The following CDH12 variants were observed in gnomAD, a reference collection of about 807,000 sequenced individuals.
CDH12 encodes cadherin-12.
CDH12 carries 41 observed loss-of-function variants against 74.1 expected under a neutral mutation model. The ratio of observed to expected loss-of-function variants is 0.55; its 90% CI spans 0.43 to 0.72. The LOEUF is 0.72. Ranked by LOEUF, CDH12 falls within the 30% of genes least tolerant of loss-of-function variation. The probability of loss-of-function intolerance (pLI) is 0.00; values close to 1 mark genes in which losing one functional copy is unlikely to be tolerated. For synonymous variants in CDH12, 399 were observed against 355.0 expected (o/e 1.12, Z -1.39); for missense variants, 945 against 977.2 (o/e 0.97, Z 0.44).
intron 3 of CDH12, among the ~76,000 whole-genome samples, chr5:22,247,128 T>C (rs1489402197): frequency 2.0e-5 from 3 of 152,192 alleles, no homozygotes; most frequent in African/African-American, 7.2e-5. Context: ...TGATATCAGT[T>C]TAGAAGATGC....
At chr5:21,940,770 C>T (rs3950903) in intron 6 of CDH12, among the ~76,000 whole-genome samples, 4 of 152,062 alleles carry the variant, frequency 2.6e-5, no homozygotes, top group African/African-American at 7.2e-5. Context: ...AGATAATCCA[C>T]GTGTAATTGT....
At chr5:22,176,282 T>A (rs1391847080) in intron 4 of CDH12, among the ~76,000 whole-genome samples, 1 of 152,124 alleles carries the variant, frequency 6.6e-6, no homozygotes, top group African/African-American at 2.4e-5. Context: ...GTAAATCCCT[T>A]CATTGTTTTG....
At chr5:21,990,731 ACTATGATTACAATCCTT>A (rs1434244944) in intron 5 of CDH12, among the ~76,000 whole-genome samples, 96 of 151,644 alleles carry the variant, frequency 6.3e-4, no homozygotes, top group African/African-American at 2.0e-3. Flanking sequence ...TCAGAAAAAC[ACTATGATTACAATCCTT>A]CTATTAGCAT....
At chr5:22,021,046 T>G (rs985013652) in intron 5 of CDH12, among the ~76,000 whole-genome samples, 4 of 152,136 alleles carry the variant, frequency 2.6e-5, no homozygotes, top group African/African-American at 9.7e-5. Flanking sequence ...ACGAGAAGTG[T>G]TTTGAATTTT....
rs556821888 is a variant in CDH12 at position 21,856,879 on chromosome 5, C to T, written c.527-2089G>A. On this transcript the variant is annotated intron_variant, in intron 6 of 14. Transcript: ENST00000382254. ...ATCTATAGAATTAAAAGTAATTGTCCACTGAATTACAGTATAGGTTAATCC... is the reference window on the plus strand; with the variant it reads ...ATCTATAGAATTAAAAGTAATTGTCTACTGAATTACAGTATAGGTTAATCC... Among the ~76,000 whole-genome samples the T allele has an allele frequency of 1.6e-4, 25 of 151,864 alleles. No individual in the cohort carries two copies. The South Asian group carries it at 3.5e-3, about 21-fold the overall frequency.
At chr5:22,576,431 A>G (rs1359782768) in intron 1 of CDH12, among the ~76,000 whole-genome samples, 3 of 152,230 alleles carry the variant, frequency 2.0e-5, no homozygotes, top group African/African-American at 7.2e-5. Flanking sequence ...ACCATTTGAT[A>G]TTTTGAATAG....
intron 4 of CDH12, among the ~76,000 whole-genome samples, chr5:22,159,053 A>G (rs1748181442): frequency 6.6e-6 from 1 of 152,102 alleles, no homozygotes; most frequent in Non-Finnish European, 1.5e-5. Context: ...GTTCCTGAAA[A>G]GGTCCATAGT....
intron 5 of CDH12, among the ~76,000 whole-genome samples, chr5:22,014,291 A>G (rs2150155349): frequency 6.6e-6 from 1 of 152,302 alleles, no homozygotes; most frequent in South Asian, 2.1e-4. Flanking sequence ...ATTTGATCTT[A>G]TAATTGGTTG....
chr5:21,834,375 T>C (rs114194674), intron 8 of CDH12, among the ~76,000 whole-genome samples: 3,297 of 151,988 alleles, frequency 0.022, 65 homozygotes, highest in Middle Eastern at 0.048. Flanking sequence ...TCATGTACAG[T>C]ATCTAAATAA....
intron 4 of CDH12, among the ~76,000 whole-genome samples, chr5:22,164,793 C>G (rs1416841663): frequency 1.3e-4 from 19 of 143,168 alleles, no homozygotes; most frequent in Non-Finnish European, 7.6e-5. Context: ...TTGCAAGCCC[C>G]GTGTTTAAAG....
intron 1 of CDH12, among the ~76,000 whole-genome samples, chr5:22,721,895 C>T (rs921362759): frequency 1.3e-5 from 2 of 152,142 alleles, no homozygotes; most frequent in Non-Finnish European, 2.9e-5. Flanking sequence ...CCTTCTCCTT[C>T]TGCCATGATT....
At chr5:21,976,432 GTAAA>G (rs544527685) in intron 5 of CDH12, among the ~76,000 whole-genome samples, 284 of 151,196 alleles carry the variant, frequency 1.9e-3, no homozygotes, top group Middle Eastern at 0.014. Context: ...TAAATTACGT[GTAAA>G]TAAATAAATA....
intron 1 of CDH12, among the ~76,000 whole-genome samples, chr5:22,752,155 T>C (rs1007982671): frequency 6.6e-6 from 1 of 152,194 alleles, no homozygotes; most frequent in Non-Finnish European, 1.5e-5. Context: ...GCAGGTACAA[T>C]TAATATTGTT....
intron 3 of CDH12, among the ~76,000 whole-genome samples, chr5:22,369,771 G>T (rs1233221369): frequency 6.6e-6 from 1 of 152,044 alleles, no homozygotes; most frequent in African/African-American, 2.4e-5. Flanking sequence ...GAATAATTAG[G>T]CTGAATATTT....
intron 5 of CDH12, among the ~76,000 whole-genome samples, chr5:22,074,785 G>C (rs548674852): frequency 6.6e-6 from 1 of 152,204 alleles, no homozygotes; most frequent in African/African-American, 2.4e-5. Flanking sequence ...AGTTAGAATG[G>C]CAATCATTAA....
At chr5:21,865,644 C>G (rs1309036955) in intron 6 of CDH12, among the ~76,000 whole-genome samples, 1 of 152,120 alleles carries the variant, frequency 6.6e-6, no homozygotes, top group African/African-American at 2.4e-5. Context: ...CTTTGACCCA[C>G]CACTCAGGAA....
At chr5:22,786,583 G>A (rs1023409025) in intron 1 of CDH12, among the ~76,000 whole-genome samples, 7 of 152,136 alleles carry the variant, frequency 4.6e-5, no homozygotes, top group Non-Finnish European at 1.0e-4. Flanking sequence ...TAGAAACATG[G>A]CACATGTGTT....
chr5:21,915,154 A>G (rs1319136953), intron 6 of CDH12, among the ~76,000 whole-genome samples: 2 of 152,212 alleles, frequency 1.3e-5, no homozygotes. Flanking sequence ...TAACATAATT[A>G]GAATCTGTCT....
chr5:22,663,773 G>A (rs903243482), intron 1 of CDH12, among the ~76,000 whole-genome samples: 1 of 152,008 alleles, frequency 6.6e-6, no homozygotes, highest in Non-Finnish European at 1.5e-5. Flanking sequence ...TTTCATTTAT[G>A]CAGATTTTTG....
Sources: allele counts gnomAD v4.1 joint callset (sites outside exome capture counted in the v4.1 genomes callset), GRCh38; gene constraint gnomAD v4.1.1; transcripts MANE v1.5; gene names NCBI Gene and HGNC (gene_info 2026-07-23, HGNC 2026-07-21).